Variants in BLZF1 observed in about 807,000 individuals in gnomAD.
The protein encoded by BLZF1 is golgin-45.
A neutral mutation model predicts 43.8 loss-of-function variants in BLZF1; 39 were observed. The observed-to-expected ratio is 0.89, with a 90% CI of 0.69 to 1.16. BLZF1 has a LOEUF of 1.16. BLZF1 is among the 50% of genes most tolerant of loss of function. BLZF1 has a pLI of 0.00. For synonymous variants in BLZF1, 136 were observed against 159.4 expected (o/e 0.85, Z 1.11); for missense variants, 449 against 469.8 (o/e 0.96, Z 0.41).
Position 169,381,196 on chromosome 1 carries a change from G to T in BLZF1, c.797+587G>T, listed in dbSNP as rs56350995. Among the ~76,000 whole-genome samples the T allele has an allele frequency of 8.0e-3, 1,213 of 151,178 alleles. 25 individuals carry two copies. The highest frequency in any genetic ancestry group is 0.028 in the African/African-American group (1,158 of 41,270). ...ATACATTACCAGTATCAGGAATGAA[G>T]GGGGGGGTACAATATAGACTCTATA... On this transcript the variant is annotated intron_variant, in intron 5 of 6. Transcript: ENST00000367808.
intron 2 of BLZF1, among the ~76,000 whole-genome samples, chr1:169,374,207 A>C (rs1342645634): frequency 6.6e-6 from 1 of 151,728 alleles, no homozygotes; most frequent in Non-Finnish European, 1.5e-5. Flanking sequence ...CTCTACAAAA[A>C]AAAAAAAAAA....
intron 4 of BLZF1, among the ~76,000 whole-genome samples, 190 bp downstream of exon 4, chr1:169,378,719 G>A (rs111833982): frequency 6.6e-6 from 1 of 151,906 alleles, no homozygotes; most frequent in Non-Finnish European, 1.5e-5. Flanking sequence ...GTGATATAAG[G>A]ATCATCCCTT....
Position 169,380,544 on chromosome 1 carries a change from CG to C in BLZF1, c.736del (p.Ala246LeufsTer6), listed in dbSNP as rs756202911. ...TACAGCGTCAAAACCGTGATGCACA[CG>C]GGGCTATACAAGATCTCCTAAGTGA... is the stretch of plus-strand genomic sequence containing the variant. ...ALQRQNRDAH[G>X]AIQDLLSERE... On this transcript the variant is annotated frameshift_variant, in exon 5 of 7. Coordinates refer to ENST00000367808, the MANE Select transcript of BLZF1 (RefSeq NM_001320973.2). LOFTEE classifies it high-confidence loss of function. 1 of 1,612,760 alleles carries C rather than the reference CG, an allele frequency of 6.2e-7. No homozygotes were observed. Among genetic ancestry groups the C allele is most frequent in the Non-Finnish European group, 8.5e-7 (1 of 1,179,040 alleles).
At chr1:169,380,249 T>A (rs1408855980) in intron 4 of BLZF1, among the ~76,000 whole-genome samples, 1 of 152,058 alleles carries the variant, frequency 6.6e-6, no homozygotes, top group Non-Finnish European at 1.5e-5. Context: ...GAAAGTTGAA[T>A]AACTCTTGCC....
At chr1:169,375,331 CAT>C (rs1427820495) in intron 2 of BLZF1, among the ~76,000 whole-genome samples, 7 of 131,810 alleles carry the variant, frequency 5.3e-5, no homozygotes, top group East Asian at 2.0e-4. Context: ...TACACACACA[CAT>C]ATATATATAA....
At chr1:169,384,701 C>CCT (rs1373809195) in intron 6 of BLZF1, among the ~76,000 whole-genome samples, 1 of 152,168 alleles carries the variant, frequency 6.6e-6, no homozygotes, top group African/African-American at 2.4e-5. Flanking sequence ...TGTTGCCCAA[C>CCT]CTCTGTACCA....
chr1:169,370,237 T>A (rs1654066062), intron 2 of BLZF1, among the ~76,000 whole-genome samples: 1 of 152,236 alleles, frequency 6.6e-6, no homozygotes. Context: ...AGTCTACTCC[T>A]GTATGATTTC....
chr1:169,394,360 A>G (rs1303844852), intron 7 of BLZF1, among the ~76,000 whole-genome samples: 3 of 152,124 alleles, frequency 2.0e-5, no homozygotes, highest in Non-Finnish European at 4.4e-5. Flanking sequence ...GGGGATACAT[A>G]TGTGCGTTAG....
chr1:169,390,876 A>G (rs1654798840), downstream of BLZF1, among the ~76,000 whole-genome samples: 1 of 152,200 alleles, frequency 6.6e-6, no homozygotes, highest in African/African-American at 2.4e-5. Flanking sequence ...AAAAACATAA[A>G]GGCCTTTTAA....
At chr1:169,394,845 A>T in intron 7 of BLZF1, 1 of 381,606 alleles carries the variant, frequency 2.6e-6, no homozygotes, top group Non-Finnish European at 4.6e-6. Context: ...AATTTGTTGC[A>T]CAGACTAAGA....
At chr1:169,384,380 CCCTGCCCTCCTTCTTAGCTGCT>C (rs974309693) in intron 6 of BLZF1, among the ~76,000 whole-genome samples, 5 of 152,150 alleles carry the variant, frequency 3.3e-5, no homozygotes, top group Non-Finnish European at 7.4e-5. Flanking sequence ...TCACTGATAT[CCCTGCCCTCCTTCTTAGCTGCT>C]CCTGCCCACC....
intron 6 of BLZF1, among the ~76,000 whole-genome samples, chr1:169,382,720 C>T (rs1037460697): frequency 1.3e-5 from 2 of 152,226 alleles, no homozygotes; most frequent in African/African-American, 4.8e-5. Flanking sequence ...ATTCAGGGTC[C>T]ATGCAGCTGG....
chr1:169,394,540 T>C (rs1257576007), intron 7 of BLZF1, among the ~76,000 whole-genome samples: 1 of 152,124 alleles, frequency 6.6e-6, no homozygotes, highest in Non-Finnish European at 1.5e-5. Context: ...ATACACAATG[T>C]TTAGCTCTCA....
At chr1:169,378,101 G>A (rs1470322928) in intron 3 of BLZF1, among the ~76,000 whole-genome samples, 2 of 151,720 alleles carry the variant, frequency 1.3e-5, no homozygotes, top group African/African-American at 4.8e-5. Flanking sequence ...ACTACAAGAG[G>A]CTCAGTTTAT....
chr1:169,381,202 G>A (rs1232658089), intron 5 of BLZF1, among the ~76,000 whole-genome samples: 2 of 151,226 alleles, frequency 1.3e-5, no homozygotes, highest in African/African-American at 4.9e-5. Flanking sequence ...TGAAGGGGGG[G>A]GTACAATATA....
At chr1:169,376,464 A>G in intron 2 of BLZF1, 76 bp from the exon 3 acceptor site, 1 of 1,222,970 alleles carries the variant, frequency 8.2e-7, no homozygotes, top group African/African-American at 1.6e-5. Context: ...TTTTGAATAT[A>G]GGGTATAGCA....
At chr1:169,380,130 G>A (rs1410956663) in intron 4 of BLZF1, among the ~76,000 whole-genome samples, 2 of 151,678 alleles carry the variant, frequency 1.3e-5, no homozygotes, top group Non-Finnish European at 2.9e-5. Context: ...ATTTAGTTTT[G>A]TTTGTCTCTT....
In BLZF1 at chr1:169,376,807, T is replaced by G; in HGVS notation, c.296T>G (p.Val99Gly). The stretch of plus-strand genomic sequence containing the variant: ...GATATCCCCAACAAAAATACAAAGG[T>G]TAAGTCTCTGGGACATCATAAAGGA... Reference protein sequence around the residue: ...THDIPNKNTKVKSLGHHKGEF... With the variant: ...THDIPNKNTKGKSLGHHKGEF... The change falls in exon 3 of 7, where the codon GTT (valine) becomes GGT (glycine). Residue 99 changes from valine (V) to glycine (G), a missense_variant. By Grantham distance (109) the Val-to-Gly change is moderately radical. Coordinates refer to ENST00000367808, the MANE Select transcript of BLZF1 (RefSeq NM_001320973.2). The G allele has an allele frequency of 6.2e-7, 1 of 1,613,362 alleles. No homozygotes were observed. Among genetic ancestry groups the G allele is most frequent in the Non-Finnish European group, 8.5e-7 (1 of 1,179,568 alleles).
chr1:169,391,030 T>C (rs1362742446), downstream of BLZF1, among the ~76,000 whole-genome samples: 1 of 152,192 alleles, frequency 6.6e-6, no homozygotes, highest in African/African-American at 2.4e-5. Flanking sequence ...TACCTTCCAT[T>C]TTTAAGTTTA....
Sources: allele counts gnomAD v4.1 joint callset (sites outside exome capture counted in the v4.1 genomes callset), GRCh38; gene constraint gnomAD v4.1.1; transcripts MANE v1.5; gene names NCBI Gene and HGNC (gene_info 2026-07-23, HGNC 2026-07-21).